Variants in LARP1B observed in about 807,000 individuals in gnomAD.
The protein encoded by LARP1B is La ribonucleoprotein 1B.
A neutral mutation model predicts 114.2 loss-of-function variants in LARP1B; 76 were observed. The ratio of observed to expected loss-of-function variants is 0.67; its 90% confidence interval spans 0.55 to 0.81. The LOEUF is 0.81. Ranked by LOEUF, LARP1B falls within the 30% of genes least tolerant of loss-of-function variation. LARP1B has a pLI of 0.00. For missense variants in LARP1B, 1,014 were observed against 1,075.8 expected (o/e 0.94, Z 0.80); for synonymous variants, 345 against 348.0 (o/e 0.99, Z 0.10).
intron 1 of LARP1B, among the ~76,000 whole-genome samples, chr4:128,064,748 G>A (rs903781911): frequency 2.0e-5 from 3 of 151,896 alleles, no homozygotes; most frequent in African/African-American, 7.3e-5. Flanking sequence ...TTAAAACTTC[G>A]AAGCCATACA....
At position 128,087,874 on chromosome 4, in the gene LARP1B, G is replaced by A. The variant is rs575969405; in HGVS notation, c.359-3127G>A. ...GGAGCATATATATATATATGCATAT[G>A]TATAAAACTTGTCTATAGAAAAATT... On this transcript the variant is annotated intron_variant, in intron 5 of 19. Coordinates refer to ENST00000326639, the MANE Select transcript of LARP1B (RefSeq NM_018078.4). 5.9e-5 allele frequency among the ~76,000 whole-genome samples: 9 copies of A among 151,908 alleles called. No individual in the cohort carries two copies. In the South Asian group the frequency reaches 1.9e-3, roughly 32 times the overall value.
intron 1 of LARP1B, among the ~76,000 whole-genome samples, chr4:128,065,345 CTTTT>C (rs1762369744): frequency 7.2e-5 from 8 of 111,180 alleles, no homozygotes; most frequent in Non-Finnish European, 1.3e-4. Flanking sequence ...CCTTTCTTTT[CTTTT>C]CTTTTCTTTT....
chr4:128,170,614 G>A (rs1278962806), intron 12 of LARP1B, among the ~76,000 whole-genome samples: 4 of 152,022 alleles, frequency 2.6e-5, no homozygotes, highest in Non-Finnish European at 4.4e-5. Context: ...AATTTAGTTT[G>A]TCTGATTTTA....
intron 19 of LARP1B, among the ~76,000 whole-genome samples, chr4:128,208,417 G>C (rs1758174701): frequency 6.6e-6 from 1 of 152,046 alleles, no homozygotes; most frequent in South Asian, 2.1e-4. Flanking sequence ...TCTCTGCTTT[G>C]TGTTGTAATT....
At chr4:128,085,653 C>G (rs1773188465) in intron 5 of LARP1B, among the ~76,000 whole-genome samples, 1 of 152,190 alleles carries the variant, frequency 6.6e-6, no homozygotes, top group African/African-American at 2.4e-5. Flanking sequence ...CAAGCATGAG[C>G]CACCGCACTT....
At chr4:128,147,450 A>G (rs1017345829) in intron 11 of LARP1B, among the ~76,000 whole-genome samples, 1 of 152,208 alleles carries the variant, frequency 6.6e-6, no homozygotes, top group Non-Finnish European at 1.5e-5. Context: ...CAAAATCAAA[A>G]CAGAGAATAA....
chr4:128,093,273 A>G (rs1776504647), intron 7 of LARP1B, among the ~76,000 whole-genome samples: 1 of 152,104 alleles, frequency 6.6e-6, no homozygotes, highest in Non-Finnish European at 1.5e-5. Flanking sequence ...TGATTGATTG[A>G]GGTTTTGATT....
chr4:128,098,763 ATATATTTTTTTT>A (rs1561200424), intron 8 of LARP1B, among the ~76,000 whole-genome samples: 1 of 35,504 alleles, frequency 2.8e-5, no homozygotes. Context: ...ATATATATAT[ATATATTTTTTTT>A]TTTTTTTTTT....
In LARP1B at chr4:128,066,556, C is replaced by T. The variant is rs1025036762; in HGVS notation, c.-78+5155C>T. Reference sequence around the variant, plus strand: ...GCAATGGTGTGATCTCTGCTCACCGCAACCTCCACCTCCTGGGTTCCCCCG... The same window carrying T: ...GCAATGGTGTGATCTCTGCTCACCGTAACCTCCACCTCCTGGGTTCCCCCG... On this transcript the variant is annotated intron_variant, in intron 1 of 19. Transcript: ENST00000326639. Among the ~76,000 whole-genome samples the T allele has an allele frequency of 3.4e-4, 51 of 150,764 alleles. 1 individual carries two copies. The highest frequency in any genetic ancestry group is 8.8e-5 in the Non-Finnish European group (6 of 67,846).
downstream of LARP1B, among the ~76,000 whole-genome samples, chr4:128,213,816 G>A (rs1759290502): frequency 6.6e-6 from 1 of 152,202 alleles, no homozygotes; most frequent in Non-Finnish European, 1.5e-5. Context: ...TGGCTGAATA[G>A]GAACAGCTCC....
chr4:128,093,393 G>A (rs781341378), intron 7 of LARP1B, among the ~76,000 whole-genome samples: 23 of 151,998 alleles, frequency 1.5e-4, no homozygotes, highest in Non-Finnish European at 2.9e-4. Context: ...TCAGGAGATC[G>A]AGACCATCTT....
rs759640074 is a variant in LARP1B, at chr4:128,206,487, G to A, written c.2369G>A (p.Arg790Gln). 37 of 1,613,142 alleles carry A rather than the reference G, an allele frequency of 2.3e-5. No homozygotes were observed. Among genetic ancestry groups the A allele is most frequent in the Admixed American group, 1.2e-4 (7 of 59,914 alleles). Reference protein sequence around the residue: ...YSYGLEKKFRREIFQDFQEET... With the variant: ...YSYGLEKKFRQEIFQDFQEET... ...TATGGACTGGAAAAAAAATTCAGGC[G>A]AGAAATTTTTCAGGATTTCCAAGAA... The change falls in exon 18 of 20, where the codon CGA becomes CAA. Residue 790 changes from arginine to glutamine, a missense_variant. By Grantham distance (43) the Arg-to-Gln change is conservative. Transcript: ENST00000326639.
intron 15 of LARP1B, among the ~76,000 whole-genome samples, chr4:128,185,621 T>C (rs779764850): frequency 1.7e-4 from 26 of 152,216 alleles, no homozygotes; most frequent in Middle Eastern, 3.4e-3. Flanking sequence ...AAATATTTTC[T>C]CCTATTCTGT....
chr4:128,185,439 A>G (rs948428411), intron 15 of LARP1B, among the ~76,000 whole-genome samples: 7 of 151,852 alleles, frequency 4.6e-5, no homozygotes, highest in Non-Finnish European at 1.0e-4. Context: ...AGTAATGTTG[A>G]GCACTTTAAA....
At chr4:128,204,937 GATGATT>G (rs1436065098) in intron 17 of LARP1B, among the ~76,000 whole-genome samples, 1 of 151,984 alleles carries the variant, frequency 6.6e-6, no homozygotes, top group Non-Finnish European at 1.5e-5. Flanking sequence ...AAGCTCCCCA[GATGATT>G]ATAATGTGTA....
chr4:128,175,556 C>T (rs1354237353), intron 12 of LARP1B, among the ~76,000 whole-genome samples: 1 of 152,126 alleles, frequency 6.6e-6, no homozygotes, highest in African/African-American at 2.4e-5. Flanking sequence ...TCTTTGGTTA[C>T]CCTGAAATTC....
At chr4:128,166,501 G>GAT (rs946357636) in intron 12 of LARP1B, among the ~76,000 whole-genome samples, 2 of 151,372 alleles carry the variant, frequency 1.3e-5, no homozygotes, top group African/African-American at 2.4e-5. Context: ...ATGATGTTTT[G>GAT]ATATATATAT....
At chr4:128,085,705 C>T (rs1053589716) in intron 5 of LARP1B, among the ~76,000 whole-genome samples, 15 of 152,250 alleles carry the variant, frequency 9.9e-5, no homozygotes, top group African/African-American at 2.4e-4. Flanking sequence ...CTGTTGAATG[C>T]ATATAGCCCT....
intron 15 of LARP1B, among the ~76,000 whole-genome samples, chr4:128,194,548 T>C (rs1405771921): frequency 6.6e-6 from 1 of 151,220 alleles, no homozygotes; most frequent in South Asian, 2.1e-4. Flanking sequence ...CCGGGCATGG[T>C]GGCGGGCGCC....
Sources: allele counts gnomAD v4.1 joint callset (sites outside exome capture counted in the v4.1 genomes callset), GRCh38; gene constraint gnomAD v4.1.1; transcripts MANE v1.5; gene names NCBI Gene and HGNC (gene_info 2026-07-23, HGNC 2026-07-21).